Variants in KRTAP10-11 observed in about 807,000 individuals in gnomAD.
The protein encoded by KRTAP10-11 is keratin-associated protein 10-11.
For synonymous variants in KRTAP10-11, 188 were observed against 161.1 expected, an observed-to-expected ratio of 1.17 and a Z score of -1.27; for missense variants, 401 against 378.8, an observed-to-expected ratio of 1.06 and a Z score of -0.49.
In KRTAP10-11 at chr21:44,647,195, G is replaced by C; in HGVS notation, c.737G>C (p.Arg246Thr). ...SVSLLCHPVC[R>T]STCCVPVSSC... ...TCCCTCCTCTGCCACCCCGTGTGCA[G>C]GTCCACCTGCTGTGTGCCCGTCTCC... The change falls in exon 1 of 1, where the codon AGG (arginine) becomes ACG (threonine). Residue 246 changes from arginine to threonine, a missense_variant. Transcript: ENST00000334670. 2 of 1,613,050 alleles carry C rather than the reference G, an allele frequency of 1.2e-6. No individual in the cohort carries two copies. The highest frequency in any genetic ancestry group is 8.5e-7 in the Non-Finnish European group (1 of 1,179,714).
rs781854516 is a variant in KRTAP10-11, at chr21:44,646,762, CCTGTCTGCTGCAAGA to C, written c.319_333del (p.Thr107_Lys111del). 5.7e-5 allele frequency: 92 copies of C among 1,613,738 alleles called. No homozygotes were observed. The highest frequency in any genetic ancestry group is 3.3e-4 in the Middle Eastern group (2 of 6,084). ...CCCCTGCCAGCAGGCCTGCTGTGTG[CCTGTCTGCTGCAAGA>C]CTGTCTGCTGCAAGCCTGTGTGCTG... On this transcript the variant is annotated inframe_deletion, in exon 1 of 1. Coordinates refer to ENST00000334670, the MANE Select transcript of KRTAP10-11 (RefSeq NM_198692.3).
rs1555940423 is a variant in KRTAP10-11 at position 44,647,380 on chromosome 21, A to G, written c.*25A>G. On this transcript the variant is annotated 3_prime_UTR_variant, in exon 1 of 1. Transcript: ENST00000334670. ...AGTGCTCAATCCTTGTCTCCTGCTGACTGTGTCTTTGCTGCCAAGCAGGAT... is the reference window on the plus strand; with the variant it reads ...AGTGCTCAATCCTTGTCTCCTGCTGGCTGTGTCTTTGCTGCCAAGCAGGAT... 1 of 1,605,628 alleles carries G rather than the reference A, an allele frequency of 6.2e-7. No homozygotes were observed. The highest frequency in any genetic ancestry group is 1.7e-5 in the Admixed American group (1 of 59,742).
In KRTAP10-11 at chr21:44,647,445, C is replaced by T; in HGVS notation, c.*90C>T. The stretch of plus-strand genomic sequence containing the variant: ...AGCCCCTGGAGTCCTCAGAATCCAC[C>T]AGCTCCATCAGTAGCCACAGAGCTG... On this transcript the variant is annotated 3_prime_UTR_variant, in exon 1 of 1. Coordinates refer to ENST00000334670, the MANE Select transcript of KRTAP10-11 (RefSeq NM_198692.3). The T allele has an allele frequency of 1.4e-6, 2 of 1,412,080 alleles. No homozygotes were observed. Among genetic ancestry groups the T allele is most frequent in the Non-Finnish European group, 1.9e-6 (2 of 1,037,498 alleles). The allele number at this position is 1,412,080 out of a possible 1,614,324, so 87.5% of individuals were successfully genotyped here.
At position 44,647,270 on chromosome 21, in the gene KRTAP10-11, C is replaced by T. The variant is rs369444628; in HGVS notation, c.812C>T (p.Ala271Val). 1.9e-4 allele frequency: 311 copies of T among 1,602,482 alleles called. 3 individuals are homozygous for T. In the Middle Eastern group the frequency reaches 3.8e-3, roughly 20 times the overall value. Residue 271 changes from alanine to valine, a missense_variant, in exon 1 of 1, where the codon GCC becomes GTC. Coordinates refer to ENST00000334670, the MANE Select transcript of KRTAP10-11 (RefSeq NM_198692.3). ...SSCQSSCCRP[A>V]SCVSLLCRPA... ...TGCCAGTCCAGCTGCTGCCGCCCGG[C>T]CTCCTGCGTGTCCCTCCTCTGCCGC... is the stretch of plus-strand genomic sequence containing the variant.
In KRTAP10-11 at chr21:44,646,548, C is replaced by G; in HGVS notation, c.90C>G (p.Pro30=). Residue 30 remains proline (P), a synonymous_variant, in exon 1 of 1, where the codon CCC becomes CCG. Coordinates refer to ENST00000334670, the MANE Select transcript of KRTAP10-11 (RefSeq NM_198692.3). ...DDCPESCCEP[P]CSAPSCCAPA... is the part of the protein sequence containing the mutation. ...GCCCAGAGAGCTGCTGTGAGCCCCC[C>G]TGCAGCGCCCCCAGCTGCTGCGCCC... 6.2e-7 allele frequency: 1 copy of G among 1,612,614 alleles called. No individual in the cohort carries two copies. The highest frequency in any genetic ancestry group is 8.5e-7 in the Non-Finnish European group (1 of 1,179,950).
At position 44,646,973 on chromosome 21, in the gene KRTAP10-11, C is replaced by T. The variant is rs1984447953; in HGVS notation, c.515C>T (p.Ser172Phe). The T allele has an allele frequency of 1.9e-6, 3 of 1,613,252 alleles. No homozygotes were observed. In the Admixed American group the frequency reaches 5.0e-5, roughly 27 times the overall value. ...SEDSSSCCQQ[S>F]SCQPACCTSS... is the part of the protein sequence containing the mutation. ...GATTCCTCTTCATGCTGCCAGCAGT[C>T]TAGCTGCCAGCCAGCTTGCTGCACC... The change falls in exon 1 of 1, where the codon TCT becomes TTT. Residue 172 changes from serine to phenylalanine, a missense_variant. Transcript: ENST00000334670.
In KRTAP10-11 at chr21:44,647,210, T is replaced by C. The variant is rs199933627; in HGVS notation, c.752T>C (p.Val251Ala). 3.1e-6 allele frequency: 5 copies of C among 1,613,280 alleles called. No individual in the cohort carries two copies. The African/African-American group carries it at 4.0e-5, about 13-fold the overall frequency. The change falls in exon 1 of 1, where the codon GTG (valine) becomes GCG (alanine). Residue 251 changes from valine to alanine, a missense_variant. Physicochemically the swap from Val to Ala is moderately conservative, Grantham distance 64. Transcript: ENST00000334670. ...CCCGTGTGCAGGTCCACCTGCTGTG[T>C]GCCCGTCTCCTCCTGCTGTGCCCCC... is the stretch of plus-strand genomic sequence containing the variant. Reference protein sequence around the residue: ...CHPVCRSTCCVPVSSCCAPTS... With the variant: ...CHPVCRSTCCAPVSSCCAPTS...
rs587699285 is a variant in KRTAP10-11, at chr21:44,647,650, A to C, written c.*295A>C. On this transcript the variant is annotated 3_prime_UTR_variant, in exon 1 of 1. Coordinates refer to ENST00000334670, the MANE Select transcript of KRTAP10-11 (RefSeq NM_198692.3). ...AATCAATAAATTCTTGAGTCAGGAAATACGGGCTGGTGTGCACTTTCTGCT... is the reference window on the plus strand; with the variant it reads ...AATCAATAAATTCTTGAGTCAGGAACTACGGGCTGGTGTGCACTTTCTGCT... 8.6e-5 allele frequency: 39 copies of C among 454,188 alleles called. No homozygotes were observed. In the South Asian group the frequency reaches 1.0e-3, roughly 12 times the overall value. 28.1% of individuals were successfully genotyped at this position (454,188 alleles called of 1,614,324 possible).
rs1317297389 is a variant in KRTAP10-11 at position 44,646,603 on chromosome 21, C to G, written c.145C>G (p.Pro49Ala). The change falls in exon 1 of 1, where the codon CCA (proline) becomes GCA (alanine). Residue 49 changes from proline (P) to alanine (A), a missense_variant. By Grantham distance (27) the Pro-to-Ala change is conservative. Coordinates refer to ENST00000334670, the MANE Select transcript of KRTAP10-11 (RefSeq NM_198692.3). Reference protein sequence around the residue: ...PAPSLSLVCTPVSCVSSPCCQ... With the variant: ...PAPSLSLVCTAVSCVSSPCCQ... ...CCCCTCCCTGAGCCTGGTCTGCACC[C>G]CAGTGAGCTGTGTGTCCAGCCCCTG... is the stretch of plus-strand genomic sequence containing the variant. The G allele has an allele frequency of 8.1e-6, 13 of 1,612,658 alleles. No individual in the cohort carries two copies. Among genetic ancestry groups the G allele is most frequent in the Non-Finnish European group, 1.0e-5 (12 of 1,179,890 alleles).
rs1984497614 is a variant in KRTAP10-11 at position 44,647,316 on chromosome 21, C to T, written c.858C>T (p.Ala286=). ...GCCGCCCCGCAAGCTCCCGCCTGGC[C>T]TGCTACAGCCTCTGCTCAGGCAAGA... The part of the protein sequence containing the change: ...LLCRPASSRL[A]CYSLCSGKKS... The change falls in exon 1 of 1, where the codon GCC becomes GCT. Residue 286 remains alanine, a synonymous_variant. Transcript: ENST00000334670. The T allele has an allele frequency of 6.2e-7, 1 of 1,613,930 alleles. No homozygotes were observed.
chr21:44,646,898 G>A lies in KRTAP10-11; in HGVS notation c.440G>A (p.Cys147Tyr). The A allele has an allele frequency of 6.2e-7, 1 of 1,613,144 alleles. No homozygotes were observed. The highest frequency in any genetic ancestry group is 8.5e-7 in the Non-Finnish European group (1 of 1,179,864). ...CASSSCQPAC[C>Y]VPVCCKPVCC... Reference sequence around the variant, plus strand: ...TCTTCCTCCTGCCAGCCGGCCTGCTGTGTGCCCGTCTGCTGCAAGCCTGTG... The same window carrying A: ...TCTTCCTCCTGCCAGCCGGCCTGCTATGTGCCCGTCTGCTGCAAGCCTGTG... The change falls in exon 1 of 1, where the codon TGT (cysteine) becomes TAT (tyrosine). Residue 147 changes from cysteine to tyrosine, a missense_variant. Coordinates refer to ENST00000334670, the MANE Select transcript of KRTAP10-11 (RefSeq NM_198692.3).
In KRTAP10-11 at chr21:44,646,712, G is replaced by A; in HGVS notation, c.254G>A (p.Cys85Tyr). The change falls in exon 1 of 1, where the codon TGC (cysteine) becomes TAC (tyrosine). Residue 85 changes from cysteine to tyrosine, a missense_variant. Coordinates refer to ENST00000334670, the MANE Select transcript of KRTAP10-11 (RefSeq NM_198692.3). ...CCGTCATGCTGCCAGCAGTCTAGCTGCCAGCCGGCTTGCTGCACCTCCTCC... is the reference window on the plus strand; with the variant it reads ...CCGTCATGCTGCCAGCAGTCTAGCTACCAGCCGGCTTGCTGCACCTCCTCC... ...CTPSCCQQSS[C>Y]QPACCTSSPC... 1 of 1,614,152 alleles carries A rather than the reference G, an allele frequency of 6.2e-7. No homozygotes were observed. Among genetic ancestry groups the A allele is most frequent in the Non-Finnish European group, 8.5e-7 (1 of 1,180,016 alleles).
chr21:44,647,025 C>A, the KRTAP10-11 span: 1 of 1,608,168 alleles, frequency 6.2e-7, no homozygotes, highest in African/African-American at 1.4e-5. Flanking sequence ...AGGCCTGCTG[C>A]GTGCCTGTCT....
Position 44,647,430 on chromosome 21 carries a change from G to C in KRTAP10-11, c.*75G>C, listed in dbSNP as rs782736763. On this transcript the variant is annotated 3_prime_UTR_variant, in exon 1 of 1. Coordinates refer to ENST00000334670, the MANE Select transcript of KRTAP10-11 (RefSeq NM_198692.3). ...TTCTCCAGTCTCAGGAGCCCCTGGAGTCCTCAGAATCCACCAGCTCCATCA... is the reference window on the plus strand; with the variant it reads ...TTCTCCAGTCTCAGGAGCCCCTGGACTCCTCAGAATCCACCAGCTCCATCA... 1.4e-5 allele frequency: 22 copies of C among 1,524,894 alleles called. No homozygotes were observed. The highest frequency in any genetic ancestry group is 1.9e-5 in the Non-Finnish European group (21 of 1,124,670). 94.5% of individuals were successfully genotyped at this position (1,524,894 alleles called of 1,614,324 possible).
chr21:44,646,565 G>C lies in KRTAP10-11; in HGVS notation c.107G>C (p.Cys36Ser). The change falls in exon 1 of 1, where the codon TGC (cysteine) becomes TCC (serine). Residue 36 changes from cysteine (C) to serine (S), a missense_variant. Coordinates refer to ENST00000334670, the MANE Select transcript of KRTAP10-11 (RefSeq NM_198692.3). Reference protein sequence around the residue: ...CCEPPCSAPSCCAPAPSLSLV... With the variant: ...CCEPPCSAPSSCAPAPSLSLV... ...GAGCCCCCCTGCAGCGCCCCCAGCT[G>C]CTGCGCCCCGGCCCCCTCCCTGAGC... 6.2e-7 allele frequency: 1 copy of C among 1,612,380 alleles called. No individual in the cohort carries two copies. The highest frequency in any genetic ancestry group is 8.5e-7 in the Non-Finnish European group (1 of 1,179,910).
In KRTAP10-11 at chr21:44,646,830, T is replaced by C. The variant is rs1242646158; in HGVS notation, c.372T>C (p.Ser124=). The change falls in exon 1 of 1, where the codon TCT becomes TCC. Residue 124 remains serine, a synonymous_variant. Transcript: ENST00000334670. ...TGCCTGTCTGCTGTGGGGCTGCTTC[T>C]TCGTGCTGCCGGCAGTCTAGCTGCC... is the stretch of plus-strand genomic sequence containing the variant. ...CCVPVCCGAA[S]SCCRQSSCQP... 3.2e-6 allele frequency: 5 copies of C among 1,571,858 alleles called. No homozygotes were observed. Among genetic ancestry groups the C allele is most frequent in the Non-Finnish European group, 4.3e-6 (5 of 1,158,392 alleles).
At position 44,647,268 on chromosome 21, in the gene KRTAP10-11, G is replaced by A. The variant is rs375196067; in HGVS notation, c.810G>A (p.Pro270=). The change falls in exon 1 of 1, where the codon CCG becomes CCA. Residue 270 remains proline (P), a synonymous_variant. Coordinates refer to ENST00000334670, the MANE Select transcript of KRTAP10-11 (RefSeq NM_198692.3). ...CCTGCCAGTCCAGCTGCTGCCGCCC[G>A]GCCTCCTGCGTGTCCCTCCTCTGCC... The part of the protein sequence containing the change: ...TSSCQSSCCR[P]ASCVSLLCRP... 58 of 1,601,852 alleles carry A rather than the reference G, an allele frequency of 3.6e-5. No individual in the cohort carries two copies. The highest frequency in any genetic ancestry group is 4.7e-5 in the Non-Finnish European group (55 of 1,173,248).
Position 44,647,492 on chromosome 21 carries a change from C to G in KRTAP10-11, c.*137C>G. On this transcript the variant is annotated 3_prime_UTR_variant, in exon 1 of 1. Coordinates refer to ENST00000334670, the MANE Select transcript of KRTAP10-11 (RefSeq NM_198692.3). ...GCTGCTGCCTGAAGGGGATTTTGAG[C>G]GCGTCACACTTTCCTCCCCACTGTC... 4 of 1,042,074 alleles carry G rather than the reference C, an allele frequency of 3.8e-6. No homozygotes were observed. The South Asian group carries it at 6.6e-5, about 17-fold the overall frequency. 64.6% of individuals were successfully genotyped at this position (1,042,074 alleles called of 1,614,324 possible).
At position 44,646,692 on chromosome 21, in the gene KRTAP10-11, A is replaced by G. The variant is rs1888527; in HGVS notation, c.234A>G (p.Ser78=). The G allele has an allele frequency of 5.0e-6, 8 of 1,613,896 alleles. No individual in the cohort carries two copies. The highest frequency in any genetic ancestry group is 2.7e-5 in the African/African-American group (2 of 74,856). Residue 78 remains serine (S), a synonymous_variant, in exon 1 of 1, where the codon TCA becomes TCG. Coordinates refer to ENST00000334670, the MANE Select transcript of KRTAP10-11 (RefSeq NM_198692.3). The part of the protein sequence containing the change: ...QSGCTSSCTP[S]CCQQSSCQPA... ...GCTGCACCAGCTCCTGCACGCCGTC[A>G]TGCTGCCAGCAGTCTAGCTGCCAGC...
Sources: allele counts gnomAD v4.1 joint callset, GRCh38; gene constraint gnomAD v4.1.1; transcripts MANE v1.5; gene names NCBI Gene and HGNC (gene_info 2026-07-23, HGNC 2026-07-21).